MFSD6: variants seen among roughly 807,000 people sequenced by gnomAD.
The protein encoded by MFSD6 is major facilitator superfamily domain-containing protein 6.
MFSD6 carries 26 observed loss-of-function variants against 56.3 expected under a neutral mutation model. The observed-to-expected ratio is 0.46, with a 90% CI of 0.34 to 0.64. The LOEUF is 0.64. Among genes scored for constraint, MFSD6 ranks in the 30% least tolerant of loss-of-function variants. The pLI is 0.01. For missense variants in MFSD6, 750 were observed against 986.2 expected (o/e 0.76, Z 3.21); for synonymous variants, 331 against 366.9 (o/e 0.90, Z 1.12).
In MFSD6 at chr2:190,458,873, T is replaced by C. The variant is rs146788042; in HGVS notation, c.1533-10885T>C. 1.0e-3 allele frequency among the ~76,000 whole-genome samples: 156 copies of C among 152,294 alleles called. 1 individual carries two copies. Among genetic ancestry groups the C allele is most frequent in the African/African-American group, 3.7e-3 (152 of 41,564 alleles). On this transcript the variant is annotated intron_variant, in intron 3 of 7. Coordinates refer to ENST00000392328, the MANE Select transcript of MFSD6 (RefSeq NM_017694.4). This position sits in a 1 kb window ranked among gnomAD's most constrained non-coding sequence, Gnocchi z 5.3. ...TAGCTCTGTCTCCTTTTGGGCAGGC[T>C]TACTCATAAGGCCTGCGCCAGAGGT...
chr2:190,462,119 G>T lies in MFSD6; in HGVS notation c.1533-7639G>T, dbSNP rs1478553174. On this transcript the variant is annotated intron_variant, in intron 3 of 7. Coordinates refer to ENST00000392328, the MANE Select transcript of MFSD6 (RefSeq NM_017694.4). The surrounding 1 kb of genome is among the most constrained non-coding windows in gnomAD (Gnocchi z 5.7). ...AATCATTGTTCGTGATTTGCTGTCT[G>T]TCTCCTTCTTGGTTTGTTTTTGTAT... 3.3e-5 allele frequency among the ~76,000 whole-genome samples: 5 copies of T among 152,058 alleles called. No homozygotes were observed. In the East Asian group the frequency reaches 9.6e-4, roughly 29 times the overall value.
chr2:190,411,060 A>G (rs1238708204), intron 1 of MFSD6: 2 of 972,600 alleles, frequency 2.1e-6, no homozygotes, highest in Non-Finnish European at 2.4e-6. Flanking sequence ...ATCTCAAAAA[A>G]AAGAAAAAAA....
chr2:190,469,898 T>C lies in MFSD6; in HGVS notation c.1630+43T>C, dbSNP rs1230620891. 6.9e-7 allele frequency: 1 copy of C among 1,443,096 alleles called. No homozygotes were observed. Among genetic ancestry groups the C allele is most frequent in the Admixed American group, 1.8e-5 (1 of 57,046 alleles). The allele number at this position is 1,443,096 out of a possible 1,614,324, so 89.4% of individuals were successfully genotyped here. On this transcript the variant is annotated intron_variant, in intron 4 of 7. Coordinates refer to ENST00000392328, the MANE Select transcript of MFSD6 (RefSeq NM_017694.4). The surrounding 1 kb of genome is among the most constrained non-coding windows in gnomAD (Gnocchi z 5.3). ...ATTGAAATTATTTCTCTGCCTTCCC[T>C]GAGCTGTGGCTAAAAGCCCAGTGGC...
intron 3 of MFSD6, among the ~76,000 whole-genome samples, chr2:190,445,248 T>C (rs1389566103): frequency 1.3e-5 from 2 of 152,150 alleles, no homozygotes; most frequent in Non-Finnish European, 2.9e-5. Flanking sequence ...GTCAGGCAGA[T>C]AGCAAAGATG....
chr2:190,447,606 C>T lies in MFSD6; in HGVS notation c.1532+10045C>T, dbSNP rs1403046282. 2.0e-5 allele frequency among the ~76,000 whole-genome samples: 3 copies of T among 152,196 alleles called. No homozygotes were observed. The highest frequency in any genetic ancestry group is 4.4e-5 in the Non-Finnish European group (3 of 68,034). On this transcript the variant is annotated intron_variant, in intron 3 of 7. Coordinates refer to ENST00000392328, the MANE Select transcript of MFSD6 (RefSeq NM_017694.4). The surrounding 1 kb of genome is among the most constrained non-coding windows in gnomAD (Gnocchi z 4.5). ...GCCACGTTTTAGGCATTATAAGCTACTATCTTCATAATAGCTGGCAATATG... is the reference window on the plus strand; with the variant it reads ...GCCACGTTTTAGGCATTATAAGCTATTATCTTCATAATAGCTGGCAATATG...
At chr2:190,411,143 C>G in intron 1 of MFSD6, 1 of 981,776 alleles carries the variant, frequency 1.0e-6, no homozygotes, top group Non-Finnish European at 1.2e-6. Flanking sequence ...CCTTTTTGTC[C>G]CCAAACTGTT....
intron 3 of MFSD6, among the ~76,000 whole-genome samples, chr2:190,449,839 G>A (rs1333143870): frequency 1.3e-5 from 2 of 151,600 alleles, no homozygotes; most frequent in Non-Finnish European, 2.9e-5. Context: ...ACAGGGAGGG[G>A]AACATCACAC....
intron 2 of MFSD6, among the ~76,000 whole-genome samples, chr2:190,428,650 CTTGCTTATTTATTTAT>C (rs1184840406): frequency 5.6e-4 from 74 of 131,638 alleles, no homozygotes; most frequent in African/African-American, 1.5e-3. Context: ...TTTAGAGATG[CTTGCTTATTTATTTAT>C]TTATTTATTT....
intron 3 of MFSD6, among the ~76,000 whole-genome samples, chr2:190,468,810 G>A (rs987924936): frequency 1.3e-5 from 2 of 152,120 alleles, no homozygotes; most frequent in South Asian, 2.1e-4. Context: ...ACTGATTATC[G>A]TGTTGGTTTA....
chr2:190,459,010 C>T lies in MFSD6; in HGVS notation c.1533-10748C>T, dbSNP rs192163726. ...TTGTACTGACTGCTCCCAAGTCTGA[C>T]GTAGAGAGTGGGTCCATCCCCTCTT... On this transcript the variant is annotated intron_variant, in intron 3 of 7. Transcript: ENST00000392328. This position sits in a 1 kb window ranked among gnomAD's most constrained non-coding sequence, Gnocchi z 5.3. Among the ~76,000 whole-genome samples, 101 of 152,358 alleles carry T rather than the reference C, an allele frequency of 6.6e-4. No individual in the cohort carries two copies. Among genetic ancestry groups the T allele is most frequent in the African/African-American group, 2.1e-3 (87 of 41,592 alleles).
rs1475150605 is a variant in MFSD6 at position 190,424,602 on chromosome 2, G to A, written c.-54+9189G>A. Among the ~76,000 whole-genome samples, 1 of 152,148 alleles carries A rather than the reference G, an allele frequency of 6.6e-6. No homozygotes were observed. Among genetic ancestry groups the A allele is most frequent in the East Asian group, 1.9e-4 (1 of 5,192 alleles). ...CGTCCACCTCGGCCACCAAAGTGCT[G>A]GGATTACAGGCGTGAGCCACTGCGC... On this transcript the variant is annotated intron_variant, in intron 2 of 7. Coordinates refer to ENST00000392328, the MANE Select transcript of MFSD6 (RefSeq NM_017694.4). This position sits in a 1 kb window ranked among gnomAD's most constrained non-coding sequence, Gnocchi z 5.9.
intron 3 of MFSD6, among the ~76,000 whole-genome samples, chr2:190,466,956 A>T (rs886315491): frequency 1.3e-5 from 2 of 152,188 alleles, no homozygotes; most frequent in African/African-American, 4.8e-5. Flanking sequence ...CTACCTCCTA[A>T]ACTGGATCAA....
rs960730946 is a variant in MFSD6, at chr2:190,489,718, C to CTATCTGCATTTCTTGGAAT, written c.1793-47_1793-29dup. The CTATCTGCATTTCTTGGAAT allele has an allele frequency of 6.6e-7, 1 of 1,524,566 alleles. No individual in the cohort carries two copies. Among genetic ancestry groups the CTATCTGCATTTCTTGGAAT allele is most frequent in the Non-Finnish European group, 9.0e-7 (1 of 1,106,762 alleles). 94.4% of individuals were successfully genotyped at this position (1,524,566 alleles called of 1,614,324 possible). A position where few individuals can be genotyped will look rare whatever the true frequency, so the allele number is the denominator to read the frequency against. ...GAAAACTGATGGTTTTAGATGAGCG[C>CTATCTGCATTTCTTGGAAT]TATCTGCATTTCTTGGAATTACTCT... On this transcript the variant is annotated intron_variant, in intron 5 of 7. Transcript: ENST00000392328. This position sits in a 1 kb window ranked among gnomAD's most constrained non-coding sequence, Gnocchi z 6.6.
chr2:190,453,053 T>C (rs1285487579), intron 3 of MFSD6, among the ~76,000 whole-genome samples: 2 of 152,158 alleles, frequency 1.3e-5, no homozygotes, highest in African/African-American at 2.4e-5. Context: ...ATGGAGCTCA[T>C]GTTCTGTTGG....
At position 190,417,872 on chromosome 2, in the gene MFSD6, C is replaced by T. The variant is rs1223135426; in HGVS notation, c.-54+2459C>T. ...CCTACTTGGAACTCCAGAAGCATGC[C>T]TATTGTCCCTAATATCTTTTAGTTA... On this transcript the variant is annotated intron_variant, in intron 2 of 7. Transcript: ENST00000392328. This position sits in a 1 kb window ranked among gnomAD's most constrained non-coding sequence, Gnocchi z 5.7. Among the ~76,000 whole-genome samples, 1 of 152,006 alleles carries T rather than the reference C, an allele frequency of 6.6e-6. No homozygotes were observed. Among genetic ancestry groups the T allele is most frequent in the Admixed American group, 6.6e-5 (1 of 15,248 alleles).
At chr2:190,427,169 G>A (rs1160668675) in intron 2 of MFSD6, among the ~76,000 whole-genome samples, 1 of 152,228 alleles carries the variant, frequency 6.6e-6, no homozygotes, top group East Asian at 1.9e-4. Flanking sequence ...GTTACCAACA[G>A]GTGGGTTGGC....
chr2:190,443,247 G>A lies in MFSD6; in HGVS notation c.1532+5686G>A, dbSNP rs1686449222. 6.6e-6 allele frequency among the ~76,000 whole-genome samples: 1 copy of A among 152,212 alleles called. No individual in the cohort carries two copies. The highest frequency in any genetic ancestry group is 2.4e-5 in the African/African-American group (1 of 41,458). ...TGTATGGTGGTTACGAGCAGAGGCT[G>A]AGTCAGATTGCCTGGCTCTGCAACT... On this transcript the variant is annotated intron_variant, in intron 3 of 7. Transcript: ENST00000392328. The surrounding 1 kb of genome is among the most constrained non-coding windows in gnomAD (Gnocchi z 4.2).
chr2:190,450,186 A>T (rs1686727022), intron 3 of MFSD6, among the ~76,000 whole-genome samples: 1 of 152,162 alleles, frequency 6.6e-6, no homozygotes, highest in Admixed American at 6.5e-5. Context: ...TTTTTATTGT[A>T]CAAGTCAAAA....
chr2:190,428,877 T>C (rs977210034), intron 2 of MFSD6, among the ~76,000 whole-genome samples: 2 of 152,042 alleles, frequency 1.3e-5, no homozygotes, highest in African/African-American at 4.8e-5. Context: ...TTTGCCACAT[T>C]GGCCAGGCTG....
Sources: gnomAD v4.1 joint callset for allele counts (sites outside exome capture counted in the v4.1 genomes callset) on GRCh38, gnomAD v4.1.1 for gene constraint, Gnocchi (gnomAD v3.1) non-coding constraint, MANE v1.5 for transcripts, NCBI Gene and HGNC (gene_info 2026-07-23, HGNC 2026-07-21) for gene names.